Variants in THSD4 observed in about 807,000 individuals in gnomAD.
THSD4 encodes thrombospondin type 1 domain containing 4.
In THSD4, 69 loss-of-function variants were observed where a neutral mutation model predicts 119.0. That is an observed-to-expected ratio of 0.58 (90% confidence interval 0.48 to 0.71). THSD4 has a LOEUF of 0.71. Ranked by LOEUF, THSD4 falls within the 30% of genes least tolerant of loss-of-function variation. The pLI is 0.00. For missense variants in THSD4, 1,393 were observed against 1,391.1 expected (o/e 1.00, Z -0.02); for synonymous variants, 524 against 540.4 (o/e 0.97, Z 0.42).
At chr15:71,498,477 A>G (rs1268994429) in intron 7 of THSD4, among the ~76,000 whole-genome samples, 1 of 152,158 alleles carries the variant, frequency 6.6e-6, no homozygotes, top group African/African-American at 2.4e-5. Context: ...TGTTTTTTAA[A>G]TACAAATCCC....
chr15:71,675,142 T>G lies in THSD4; in HGVS notation c.1357+14408T>G, dbSNP rs565029187. Among the ~76,000 whole-genome samples, 7 of 152,250 alleles carry G rather than the reference T, an allele frequency of 4.6e-5. No individual in the cohort carries two copies. In the East Asian group the frequency reaches 1.2e-3, roughly 25 times the overall value. On this transcript the variant is annotated intron_variant, in intron 8 of 17. Transcript: ENST00000261862. ...TGGTAGTGGGCCCCTAGATTGCTTA[T>G]CTCTGAACAGCTGTGAGGCAGCCCC...
chr15:71,765,047 CA>C lies in THSD4; in HGVS notation c.2619del (p.Gln873HisfsTer5). On this transcript the variant is annotated frameshift_variant, in exon 16 of 18. Coordinates refer to ENST00000261862, the MANE Select transcript of THSD4 (RefSeq NM_024817.3). LOFTEE classifies it high-confidence loss of function. ...QCSIECGSGTQQREVICVRKN... is the reference protein window; with the variant it reads ...QCSIECGSGTXQREVICVRKN... ...TTCCATCGAGTGTGGGAGCGGGACG[CA>C]ACAGAGGGAGGTGATTTGTGTTAGA... 6.2e-7 allele frequency: 1 copy of C among 1,614,146 alleles called. No individual in the cohort carries two copies. The highest frequency in any genetic ancestry group is 8.5e-7 in the Non-Finnish European group (1 of 1,179,990).
At position 71,242,820 on chromosome 15, in the gene THSD4, T is replaced by A. The variant is rs1202010907; in HGVS notation, c.636T>A (p.Ser212Arg). The change falls in exon 5 of 18, where the codon AGT becomes AGA. Residue 212 changes from serine (S) to arginine (R), a missense_variant. Coordinates refer to ENST00000261862, the MANE Select transcript of THSD4 (RefSeq NM_024817.3). Reference sequence around the variant, plus strand: ...CATCTTCTGCTAGGCATGGCTACAGTTCACCAGCCCACCAGGTCCCCCAAC... The same window carrying A: ...CATCTTCTGCTAGGCATGGCTACAGATCACCAGCCCACCAGGTCCCCCAAC... ...QGASSARHGYSSPAHQVPQHG... is the reference protein window; with the variant it reads ...QGASSARHGYRSPAHQVPQHG... 1 of 1,614,168 alleles carries A rather than the reference T, an allele frequency of 6.2e-7. No individual in the cohort carries two copies. Among genetic ancestry groups the A allele is most frequent in the Admixed American group, 1.7e-5 (1 of 60,010 alleles).
At chr15:71,199,732 G>GA (rs2043769908) in intron 3 of THSD4, among the ~76,000 whole-genome samples, 1 of 149,302 alleles carries the variant, frequency 6.7e-6, no homozygotes, top group Non-Finnish European at 1.5e-5. Flanking sequence ...TGTGTAGTGT[G>GA]TGTGTAGTGT....
intron 5 of THSD4, among the ~76,000 whole-genome samples, chr15:71,252,996 C>T (rs927201247): frequency 3.3e-5 from 5 of 152,188 alleles, no homozygotes; most frequent in African/African-American, 9.7e-5. Context: ...TGGCCACATC[C>T]CTCTGCCCTC....
chr15:71,554,898 A>G (rs2048994706), intron 7 of THSD4, among the ~76,000 whole-genome samples: 1 of 152,220 alleles, frequency 6.6e-6, no homozygotes, highest in South Asian at 2.1e-4. Context: ...ATGAAGTAGT[A>G]TAATAAAGCA....
At chr15:71,252,919 G>C (rs1377706306) in intron 5 of THSD4, among the ~76,000 whole-genome samples, 2 of 152,026 alleles carry the variant, frequency 1.3e-5, no homozygotes, top group Non-Finnish European at 2.9e-5. Flanking sequence ...TGCCTTCCTT[G>C]CCTGTACCAC....
chr15:71,476,964 C>T (rs909791822), intron 7 of THSD4, among the ~76,000 whole-genome samples: 3 of 152,232 alleles, frequency 2.0e-5, no homozygotes, highest in African/African-American at 7.2e-5. Flanking sequence ...GCACTGGCAT[C>T]CTCCCATCCT....
At chr15:71,155,100 G>T (rs961188607) in intron 3 of THSD4, among the ~76,000 whole-genome samples, 168 bp downstream of exon 3, 2 of 152,204 alleles carry the variant, frequency 1.3e-5, no homozygotes, top group African/African-American at 4.8e-5. Flanking sequence ...TTGCTATAAA[G>T]AAATATCTGA....
intron 7 of THSD4, among the ~76,000 whole-genome samples, chr15:71,466,284 G>T (rs1436953626): frequency 2.0e-5 from 3 of 151,424 alleles, no homozygotes; most frequent in African/African-American, 2.4e-5. Context: ...GGCAGAGCTT[G>T]CAGTGAGCTG....
rs978164270 is a variant in THSD4 at position 71,097,981 on chromosome 15, C to CT, written c.-80+981dup. The stretch of plus-strand genomic sequence containing the variant: ...CGCAGTGATGTTTTTGGGGAAACAT[C>CT]TTTTTTCACAGGGACAATACACTTG... On this transcript the variant is annotated intron_variant, in intron 1 of 17. Transcript: ENST00000355327. 2.3e-4 allele frequency among the ~76,000 whole-genome samples: 35 copies of CT among 151,906 alleles called. 1 individual carries two copies. Among genetic ancestry groups the CT allele is most frequent in the Admixed American group, 1.9e-3 (29 of 15,242 alleles).
intron 7 of THSD4, among the ~76,000 whole-genome samples, chr15:71,492,659 G>C (rs564901570): frequency 3.3e-5 from 5 of 152,234 alleles, no homozygotes; most frequent in African/African-American, 1.2e-4. Context: ...GAGCCTGAAA[G>C]AAGGAAGCTT....
intron 8 of THSD4, among the ~76,000 whole-genome samples, chr15:71,713,494 T>C (rs536698619): frequency 2.0e-4 from 31 of 152,332 alleles, no homozygotes; most frequent in Admixed American, 1.8e-3. Flanking sequence ...TACACAATCT[T>C]ACAGCATCTT....
At chr15:71,645,617 G>C (rs1468562354) in intron 7 of THSD4, among the ~76,000 whole-genome samples, 2 of 152,178 alleles carry the variant, frequency 1.3e-5, no homozygotes, top group African/African-American at 4.8e-5. Flanking sequence ...CTGAGGCAGA[G>C]TGAGCCACCA....
At chr15:71,240,639 T>C (rs2044143841) in intron 4 of THSD4, among the ~76,000 whole-genome samples, 1 of 152,194 alleles carries the variant, frequency 6.6e-6, no homozygotes, top group South Asian at 2.1e-4. Flanking sequence ...ATTCAGTACT[T>C]ACTTTGAGGC....
At chr15:71,558,452 A>T (rs2049057055) in intron 7 of THSD4, among the ~76,000 whole-genome samples, 1 of 152,128 alleles carries the variant, frequency 6.6e-6, no homozygotes, top group Non-Finnish European at 1.5e-5. Flanking sequence ...AAGTTTTGAT[A>T]TACAGTATTT....
At chr15:71,197,424 T>G (rs1371090286) in intron 3 of THSD4, among the ~76,000 whole-genome samples, 3 of 152,216 alleles carry the variant, frequency 2.0e-5, no homozygotes, top group Non-Finnish European at 4.4e-5. Flanking sequence ...TTTTCAGTAC[T>G]AAAAAGAATC....
intron 7 of THSD4, among the ~76,000 whole-genome samples, chr15:71,512,758 A>C (rs1219749767): frequency 6.6e-6 from 1 of 152,074 alleles, no homozygotes; most frequent in Non-Finnish European, 1.5e-5. Flanking sequence ...TTTTTAAGAA[A>C]TAAAAAGTAT....
chr15:71,254,052 T>C (rs1473882511), intron 5 of THSD4, among the ~76,000 whole-genome samples: 2 of 152,214 alleles, frequency 1.3e-5, no homozygotes, highest in Non-Finnish European at 2.9e-5. Context: ...GTCTTTGTAG[T>C]CTACAGCTTC....
Sources: allele counts gnomAD v4.1 joint callset (sites outside exome capture counted in the v4.1 genomes callset), GRCh38; gene constraint gnomAD v4.1.1; transcripts MANE v1.5; gene names NCBI Gene and HGNC (gene_info 2026-07-23, HGNC 2026-07-21).